The following BUB3 variants were observed in gnomAD, a reference collection of about 807,000 sequenced individuals.
BUB3 encodes the protein BUB3 mitotic checkpoint protein.
BUB3 carries 22 observed loss-of-function variants against 39.9 expected under a neutral mutation model. The observed-to-expected ratio is 0.55, with a 90% CI of 0.39 to 0.79. BUB3 has a LOEUF of 0.79. BUB3 is among the 30% of genes least tolerant of loss of function. The pLI, the probability that BUB3 is intolerant of heterozygous loss-of-function variation, is 0.00. For missense variants in BUB3, 303 were observed against 415.4 expected, an observed-to-expected ratio of 0.73 and a Z score of 2.35; for synonymous variants, 168 against 155.1, an observed-to-expected ratio of 1.08 and a Z score of -0.62.
In BUB3 at chr10:123,164,018, T is replaced by C. The variant is rs2133571701; in HGVS notation, c.*183T>C. The stretch of plus-strand genomic sequence containing the variant: ...TTAAATAAACACCTTCTTAAGTGCA[T>C]GAGATGGTTTGATGGTTTGCTGCAT... On this transcript the variant is annotated 3_prime_UTR_variant, in exon 8 of 8. Transcript: ENST00000368865. 8 of 1,285,920 alleles carry C rather than the reference T, an allele frequency of 6.2e-6. No individual in the cohort carries two copies. Among genetic ancestry groups the C allele is most frequent in the African/African-American group, 4.6e-5 (3 of 64,618 alleles). 79.7% of individuals were successfully genotyped at this position (1,285,920 alleles called of 1,614,324 possible).
Position 123,164,013 on chromosome 10 carries a change from G to T in BUB3, c.*178G>T. The T allele has an allele frequency of 7.6e-7, 1 of 1,313,944 alleles. No individual in the cohort carries two copies. The allele number at this position is 1,313,944 out of a possible 1,614,324, so 81.4% of individuals were successfully genotyped here. ...TTTTTTTAAATAAACACCTTCTTAA[G>T]TGCATGAGATGGTTTGATGGTTTGC... On this transcript the variant is annotated 3_prime_UTR_variant, in exon 8 of 8. Transcript: ENST00000368865.
In BUB3 at chr10:123,165,181, G is replaced by A. The variant is rs1399849681; in HGVS notation, c.*1346G>A. On this transcript the variant is annotated 3_prime_UTR_variant, in exon 8 of 8. Transcript: ENST00000368865. The stretch of plus-strand genomic sequence containing the variant: ...CTGTTTTCTGTCTTACAAGAAACTT[G>A]TCTATGTACCTTAATACTTTGTTTA... 2.6e-6 allele frequency: 3 copies of A among 1,149,244 alleles called. No homozygotes were observed. In the Admixed American group the frequency reaches 5.7e-5, roughly 22 times the overall value. 71.2% of individuals were successfully genotyped at this position (1,149,244 alleles called of 1,614,324 possible). A position where few individuals can be genotyped will look rare whatever the true frequency, so the allele number is the denominator to read the frequency against.
Position 123,162,786 on chromosome 10 carries a change from G to A in BUB3, c.929G>A (p.Gly310Asp), listed in dbSNP as rs1482889609. 1.9e-6 allele frequency: 3 copies of A among 1,613,674 alleles called. No homozygotes were observed. Among genetic ancestry groups the A allele is most frequent in the Admixed American group, 1.7e-5 (1 of 59,890 alleles). ...EMDDTEHPED[G>D]IFIRQVTDAE... Reference sequence around the variant, plus strand: ...GATGACACAGAACATCCTGAAGATGGTATCTTCATTCGCCAAGTGACAGAT... The same window carrying A: ...GATGACACAGAACATCCTGAAGATGATATCTTCATTCGCCAAGTGACAGAT... Residue 310 changes from glycine to aspartate, a missense_variant, in exon 7 of 8, where the codon GGT (glycine) becomes GAT (aspartate). Physicochemically the swap from Gly to Asp is moderately conservative, Grantham distance 94. This residue lies in a region of BUB3 where 182 missense variants were observed against 293.1 expected (regional missense o/e 0.62). Transcript: ENST00000368865.
At chr10:123,154,811 C>T in intron 1 of BUB3, 107 bp from the exon 2 acceptor site, 1 of 1,217,338 alleles carries the variant, frequency 8.2e-7, no homozygotes, top group Middle Eastern at 2.9e-4. Flanking sequence ...AGTCTCCTCG[C>T]GGTCGTCCTC....
In BUB3 at chr10:123,160,394, T is replaced by C; in HGVS notation, c.418-13T>C. ...GAAGGTGATTTTTAGCAAGTTTTGA[T>C]CTTTTTTAAAAGGTATATACCCTCT... On this transcript the variant is annotated splice_polypyrimidine_tract_variant and intron_variant, in intron 4 of 7. Coordinates refer to ENST00000368865, the MANE Select transcript of BUB3 (RefSeq NM_004725.4). 1 of 1,504,716 alleles carries C rather than the reference T, an allele frequency of 6.6e-7. No individual in the cohort carries two copies. Among genetic ancestry groups the C allele is most frequent in the South Asian group, 1.3e-5 (1 of 75,502 alleles). The allele number at this position is 1,504,716 out of a possible 1,614,324, so 93.2% of individuals were successfully genotyped here. A position where few individuals can be genotyped will look rare whatever the true frequency, so the allele number is the denominator to read the frequency against.
In BUB3 at chr10:123,157,769, T is replaced by G. The variant is rs1844368887; in HGVS notation, c.306T>G (p.Val102=). 1 of 1,613,670 alleles carries G rather than the reference T, an allele frequency of 6.2e-7. No homozygotes were observed. The highest frequency in any genetic ancestry group is 8.5e-7 in the Non-Finnish European group (1 of 1,179,802). ...VGTHDAPIRC[V]EYCPEVNVMV... is the part of the protein sequence containing the mutation. Reference sequence around the variant, plus strand: ...CCCATGATGCCCCTATCAGATGTGTTGAATACTGTCCAGAAGTGAATGTGA... The same window carrying G: ...CCCATGATGCCCCTATCAGATGTGTGGAATACTGTCCAGAAGTGAATGTGA... Residue 102 remains valine (V), a synonymous_variant, in exon 4 of 8, where the codon GTT becomes GTG. Coordinates refer to ENST00000368865, the MANE Select transcript of BUB3 (RefSeq NM_004725.4).
chr10:123,162,505 T>C (rs936093429), intron 6 of BUB3, 92 bp downstream of exon 6: 14 of 1,553,892 alleles, frequency 9.0e-6, no homozygotes, highest in Non-Finnish European at 1.2e-5. Context: ...TGTACAGTGC[T>C]TTAGGGAAAT....
chr10:123,157,988 G>C, intron 4 of BUB3, 108 bp downstream of exon 4: 1 of 1,206,136 alleles, frequency 8.3e-7, no homozygotes, highest in South Asian at 2.2e-5. Context: ...AAGTCAACAT[G>C]GGGGGAAAAA....
chr10:123,163,822 C>A lies in BUB3; in HGVS notation c.974C>A (p.Ser325Ter). 1 of 1,607,676 alleles carries A rather than the reference C, an allele frequency of 6.2e-7. No individual in the cohort carries two copies. The highest frequency in any genetic ancestry group is 1.1e-5 in the South Asian group (1 of 90,628). ...CTTTTTTTCTTTTGAACTTGTAGGT[C>A]ACCATGTACTTGACAAGATTTCATT... is the stretch of plus-strand genomic sequence containing the variant. ...QVTDAETKPK[S>*]PCT Residue 325 changes from serine to a stop codon, truncating the protein, a stop_gained and splice_region_variant, in exon 8 of 8, where the codon TCA (serine) becomes TAA (stop). Transcript: ENST00000368865. LOFTEE classifies it high-confidence loss of function.
At chr10:123,156,878 G>T (rs564362142) in intron 3 of BUB3, among the ~76,000 whole-genome samples, 1 of 151,926 alleles carries the variant, frequency 6.6e-6, no homozygotes, top group South Asian at 2.1e-4. Flanking sequence ...CGAGTAGCTG[G>T]GACTACAGGT....
chr10:123,157,745 C>A lies in BUB3; in HGVS notation c.282C>A (p.Thr94=). 1 of 1,593,618 alleles carries A rather than the reference C, an allele frequency of 6.3e-7. No individual in the cohort carries two copies. Among genetic ancestry groups the A allele is most frequent in the South Asian group, 1.2e-5 (1 of 86,900 alleles). Residue 94 remains threonine, a synonymous_variant, in exon 4 of 8, where the codon ACC becomes ACA. Transcript: ENST00000368865. Reference sequence around the variant, plus strand: ...TCTCTATAGAAAATCTTGTTGGGACCCATGATGCCCCTATCAGATGTGTTG... The same window carrying A: ...TCTCTATAGAAAATCTTGTTGGGACACATGATGCCCCTATCAGATGTGTTG... ...LNTDQENLVG[T]HDAPIRCVEY...
At chr10:123,160,765 A>G (rs1298162865) in intron 5 of BUB3, among the ~76,000 whole-genome samples, 200 bp downstream of exon 5, 3 of 152,068 alleles carry the variant, frequency 2.0e-5, no homozygotes, top group Non-Finnish European at 2.9e-5. Context: ...TTTAGAGACG[A>G]CCTTGATGTT....
In BUB3 at chr10:123,164,128, A is replaced by G; in HGVS notation, c.*293A>G. The G allele has an allele frequency of 9.1e-7, 1 of 1,104,326 alleles. No homozygotes were observed. The highest frequency in any genetic ancestry group is 1.1e-6 in the Non-Finnish European group (1 of 908,456). 68.4% of individuals were successfully genotyped at this position (1,104,326 alleles called of 1,614,324 possible). On this transcript the variant is annotated 3_prime_UTR_variant, in exon 8 of 8. Coordinates refer to ENST00000368865, the MANE Select transcript of BUB3 (RefSeq NM_004725.4). ...TTGACCTTGATGATTTTTTGTTTCC[A>G]CTGTGGAAATAAATGTTTGTAAATA...
Position 123,155,075 on chromosome 10 carries a change from A to G in BUB3, c.158A>G (p.Tyr53Cys), listed in dbSNP as rs780099302. 1.2e-6 allele frequency: 2 copies of G among 1,614,096 alleles called. No individual in the cohort carries two copies. Among genetic ancestry groups the G allele is most frequent in the Non-Finnish European group, 8.5e-7 (1 of 1,180,020 alleles). ...CCGGCCAACTCCATGCGGCTCAAGTACCAGCACACCGGCGCCGTCCTGGAC... is the reference window on the plus strand; with the variant it reads ...CCGGCCAACTCCATGCGGCTCAAGTGCCAGCACACCGGCGCCGTCCTGGAC... ...DVPANSMRLK[Y>C]QHTGAVLDCA... The change falls in exon 2 of 8, where the codon TAC (tyrosine) becomes TGC (cysteine). Residue 53 changes from tyrosine to cysteine, a missense_variant. This residue lies in a region of BUB3 where 121 missense variants were observed against 122.3 expected (regional missense o/e 0.99). Coordinates refer to ENST00000368865, the MANE Select transcript of BUB3 (RefSeq NM_004725.4).
chr10:123,160,621 T>G (rs1025971125), intron 5 of BUB3, 56 bp downstream of exon 5: 11 of 1,411,574 alleles, frequency 7.8e-6, no homozygotes, highest in Non-Finnish European at 1.0e-5. Flanking sequence ...TGATCTTATA[T>G]TATAATGATT....
chr10:123,155,131 T>A lies in BUB3; in HGVS notation c.195+19T>A, dbSNP rs757361346. The A allele has an allele frequency of 7.5e-6, 12 of 1,610,438 alleles. No homozygotes were observed. The South Asian group carries it at 1.3e-4, about 18-fold the overall frequency. On this transcript the variant is annotated intron_variant, in intron 2 of 7. Transcript: ENST00000368865. The stretch of plus-strand genomic sequence containing the variant: ...CTTCTACGTAGGTGCCCTCCCGCCC[T>A]GCTCCTGCCCTCTTACTGTGTTAAC...
At chr10:123,162,867 T>C (rs759649716) in intron 7 of BUB3, 39 bp downstream of exon 7, 1 of 1,564,204 alleles carries the variant, frequency 6.4e-7, no homozygotes, top group South Asian at 1.1e-5. Flanking sequence ...TTTTCTTGCA[T>C]TCAACCCAGG....
rs1844532104 is a variant in BUB3 at position 123,170,174 on chromosome 10, G to A, written c.*6339G>A. The A allele has an allele frequency of 6.6e-6, 1 of 152,204 alleles. No homozygotes were observed. Among genetic ancestry groups the A allele is most frequent in the African/African-American group, 2.4e-5 (1 of 41,468 alleles). The allele number at this position is 152,204 out of a possible 1,614,324, so 9.4% of individuals were successfully genotyped here. A position where few individuals can be genotyped will look rare whatever the true frequency, so the allele number is the denominator to read the frequency against. The stretch of plus-strand genomic sequence containing the variant: ...TATTTATCAGAGTGTGCCTGACAGT[G>A]AGTTGAAAATATCTACTCTCTTTGG... On this transcript the variant is annotated 3_prime_UTR_variant, in exon 8 of 8. Coordinates refer to ENST00000368865, the MANE Select transcript of BUB3 (RefSeq NM_004725.4).
rs1417241777 is a variant in BUB3 at position 123,162,597 on chromosome 10, T to C, written c.755-15T>C. The C allele has an allele frequency of 1.9e-6, 3 of 1,599,990 alleles. No homozygotes were observed. Among genetic ancestry groups the C allele is most frequent in the Non-Finnish European group, 2.6e-6 (3 of 1,175,996 alleles). ...GTGTTAAGAACCATTTTAACTGTTTTGAAATTACTTCCAGGTGGTTCTGAT... is the reference window on the plus strand; with the variant it reads ...GTGTTAAGAACCATTTTAACTGTTTCGAAATTACTTCCAGGTGGTTCTGAT... On this transcript the variant is annotated splice_polypyrimidine_tract_variant and intron_variant, in intron 6 of 7. Coordinates refer to ENST00000368865, the MANE Select transcript of BUB3 (RefSeq NM_004725.4).
Sources: gnomAD v4.1 joint callset for allele counts (sites outside exome capture counted in the v4.1 genomes callset) on GRCh38, gnomAD v4.1.1 for gene constraint, gnomAD v4.1.1 regional missense constraint, MANE v1.5 for transcripts, NCBI Gene and HGNC (gene_info 2026-07-23, HGNC 2026-07-21) for gene names.